Variants in RTL1 observed in about 807,000 individuals in gnomAD.
RTL1 encodes the protein retrotransposon-like protein 1.
For synonymous variants in RTL1, 727 were observed against 748.4 expected (o/e 0.97, Z 0.47); for missense variants, 1,681 against 1,767.5 (o/e 0.95, Z 0.88).
rs769592859 is a variant in RTL1, at chr14:100,881,021, C to A, written c.3768G>T (p.Ser1256=). 2.5e-6 allele frequency: 4 copies of A among 1,592,172 alleles called. No homozygotes were observed. Among genetic ancestry groups the A allele is most frequent in the Admixed American group, 3.5e-5 (2 of 57,528 alleles). Residue 1256 remains serine (S), a synonymous_variant, in exon 4 of 4, where the codon TCG becomes TCT. Coordinates refer to ENST00000649591, the MANE Select transcript of RTL1 (RefSeq NM_001134888.3). The surrounding 1 kb of genome is among the most constrained non-coding windows in gnomAD (Gnocchi z 6.6). ...CGLHDGLQDT[S]QDKQDNDVQE... is the part of the protein sequence containing the mutation. Reference sequence around the variant, plus strand: ...GCACGTCGTTGTCCTGCTTGTCCTGCGAGGTGTCTTGCAGGCCGTCATGCA... The same window carrying A: ...GCACGTCGTTGTCCTGCTTGTCCTGAGAGGTGTCTTGCAGGCCGTCATGCA...
rs766731873 is a variant in RTL1 at position 100,884,475 on chromosome 14, C to G, written c.314G>C (p.Gly105Ala). The G allele has an allele frequency of 1.9e-6, 3 of 1,614,186 alleles. No individual in the cohort carries two copies. In the South Asian group the frequency reaches 3.3e-5, roughly 18 times the overall value. The change falls in exon 4 of 4, where the codon GGT becomes GCT. Residue 105 changes from glycine (G) to alanine (A), a missense_variant. Gly to Ala is a moderately conservative substitution (Grantham distance 60). Transcript: ENST00000649591. The stretch of plus-strand genomic sequence containing the variant: ...TGGATCCCCCCTTGCCTGGTGTGAA[C>G]CGTTGCATGACTCCTCCAGGTCTTG... ...LLQDLEESCN[G>A]SHQARGDPLS...
At position 100,880,473 on chromosome 14, in the gene RTL1, G is replaced by A. The variant is rs547250032; in HGVS notation, c.*239C>T. The A allele has an allele frequency of 6.4e-5, 20 of 312,884 alleles. No individual in the cohort carries two copies. The Admixed American group carries it at 7.1e-4, about 11-fold the overall frequency. The allele number at this position is 312,884 out of a possible 1,614,324, so 19.4% of individuals were successfully genotyped here. On this transcript the variant is annotated 3_prime_UTR_variant, in exon 4 of 4. Coordinates refer to ENST00000649591, the MANE Select transcript of RTL1 (RefSeq NM_001134888.3). ...GCATGGGCTTGGGACCTGGAGAACG[G>A]AGAACTCGTAGCCCAGGGCTGGCGC...
In RTL1 at chr14:100,882,109, C is replaced by T. The variant is rs768085920; in HGVS notation, c.2680G>A (p.Asp894Asn). ...TALHASLIQI[D>N]DQTGKRACCA... ...CAGGCTCTCTTGCCGGTTTGGTCGTCGATTTGGATCAGGGAGGCGTGCAGG... is the reference window on the plus strand; with the variant it reads ...CAGGCTCTCTTGCCGGTTTGGTCGTTGATTTGGATCAGGGAGGCGTGCAGG... Residue 894 changes from aspartate (D) to asparagine (N), a missense_variant, in exon 4 of 4, where the codon GAC (aspartate) becomes AAC (asparagine). Coordinates refer to ENST00000649591, the MANE Select transcript of RTL1 (RefSeq NM_001134888.3). 2.4e-5 allele frequency: 37 copies of T among 1,563,984 alleles called. No individual in the cohort carries two copies. In the Middle Eastern group the frequency reaches 6.7e-4, roughly 28 times the overall value.
chr14:100,881,788 A>G lies in RTL1; in HGVS notation c.3001T>C (p.Trp1001Arg), dbSNP rs748341882. 6.8e-6 allele frequency: 11 copies of G among 1,613,780 alleles called. No individual in the cohort carries two copies. In the Admixed American group the frequency reaches 1.8e-4, roughly 27 times the overall value. Residue 1001 changes from tryptophan to arginine, a missense_variant, in exon 4 of 4, where the codon TGG (tryptophan) becomes CGG (arginine). Transcript: ENST00000649591. This position sits in a 1 kb window ranked among gnomAD's most constrained non-coding sequence, Gnocchi z 6.6. The stretch of plus-strand genomic sequence containing the variant: ...GTGTTCCTCTGGAAGGCTCTCCTCC[A>G]CCGGAGGTTTCTCACAGGTGGCAGA... The part of the protein sequence containing the change: ...RALPPVRNLR[W>R]RRAFQRNTAA...
intron 2 of RTL1, among the ~76,000 whole-genome samples, 101 bp downstream of exon 2, chr14:100,903,190 G>T (rs2038966418): frequency 6.6e-6 from 1 of 152,148 alleles, no homozygotes; most frequent in Non-Finnish European, 1.5e-5. Context: ...CTTAGACAGG[G>T]GTCTGGGGAG....
rs558530348 is a variant in RTL1 at position 100,880,524 on chromosome 14, G to A, written c.*188C>T. 1.1e-5 allele frequency: 13 copies of A among 1,221,244 alleles called. No homozygotes were observed. In the East Asian group the frequency reaches 2.1e-4, roughly 19 times the overall value. The allele number at this position is 1,221,244 out of a possible 1,614,324, so 75.7% of individuals were successfully genotyped here. A position where few individuals can be genotyped will look rare whatever the true frequency, so the allele number is the denominator to read the frequency against. On this transcript the variant is annotated 3_prime_UTR_variant, in exon 4 of 4. Coordinates refer to ENST00000649591, the MANE Select transcript of RTL1 (RefSeq NM_001134888.3). ...TGGGTCTCTGAGGACTGGGTAGTCC[G>A]TTAGCACAGGTGGCATTGCTGGTTG... is the stretch of plus-strand genomic sequence containing the variant.
rs1238626395 is a variant in RTL1 at position 100,881,032 on chromosome 14, G to A, written c.3757C>T (p.Gln1253Ter). The change falls in exon 4 of 4, where the codon CAA becomes TAA. Residue 1253 changes from glutamine (Q) to a stop codon, truncating the protein, a stop_gained. Coordinates refer to ENST00000649591, the MANE Select transcript of RTL1 (RefSeq NM_001134888.3). LOFTEE classifies it low-confidence loss of function (END_TRUNC). The surrounding 1 kb of genome is among the most constrained non-coding windows in gnomAD (Gnocchi z 6.6). ...YRQCGLHDGLQDTSQDKQDND... is the reference protein window; with the variant it reads ...YRQCGLHDGL ...TCCTGCTTGTCCTGCGAGGTGTCTT[G>A]CAGGCCGTCATGCAGGCCACACTGA... The A allele has an allele frequency of 1.3e-6, 2 of 1,597,492 alleles. No individual in the cohort carries two copies. The highest frequency in any genetic ancestry group is 2.3e-5 in the East Asian group (1 of 43,982).
In RTL1 at chr14:100,883,370, C is replaced by G; in HGVS notation, c.1419G>C (p.Trp473Cys). The G allele has an allele frequency of 6.4e-7, 1 of 1,551,174 alleles. No individual in the cohort carries two copies. Among genetic ancestry groups the G allele is most frequent in the Non-Finnish European group, 8.7e-7 (1 of 1,146,662 alleles). The change falls in exon 4 of 4, where the codon TGG (tryptophan) becomes TGC (cysteine). Residue 473 changes from tryptophan to cysteine, a missense_variant. Transcript: ENST00000649591. This position sits in a 1 kb window ranked among gnomAD's most constrained non-coding sequence, Gnocchi z 5.9. ...TACACACCAGGGGCTCCGTGTAGAG[C>G]CAGACAGGCTCGTTGCCAATCAGCG... Reference protein sequence around the residue: ...DGSLIGNEPVWLYTEPLVCIH... With the variant: ...DGSLIGNEPVCLYTEPLVCIH...
At chr14:100,890,074 G>GAAAAAAAAAAA (rs55688942) in intron 3 of RTL1, among the ~76,000 whole-genome samples, 2 of 123,892 alleles carry the variant, frequency 1.6e-5, no homozygotes, top group African/African-American at 2.9e-5. Flanking sequence ...CGCCTTATTT[G>GAAAAAAAAAAA]AAAAAAAAAA....
At position 100,883,420 on chromosome 14, in the gene RTL1, G is replaced by C; in HGVS notation, c.1369C>G (p.Gln457Glu). The C allele has an allele frequency of 1.3e-6, 2 of 1,550,338 alleles. No homozygotes were observed. The highest frequency in any genetic ancestry group is 1.7e-6 in the Non-Finnish European group (2 of 1,146,072). The change falls in exon 4 of 4, where the codon CAG (glutamine) becomes GAG (glutamate). Residue 457 changes from glutamine to glutamate, a missense_variant. Transcript: ENST00000649591. The surrounding 1 kb of genome is among the most constrained non-coding windows in gnomAD (Gnocchi z 5.9). ...GAGCCGTCCACGGATTGGACCGGCT[G>C]TGGGTACGGCTTCTCGTAGAGCTCG... ...YVELYEKPYPQPVQSVDGSLI... is the reference protein window; with the variant it reads ...YVELYEKPYPEPVQSVDGSLI...
In RTL1 at chr14:100,881,713, G is replaced by A. The variant is rs1343601244; in HGVS notation, c.3076C>T (p.Pro1026Ser). The A allele has an allele frequency of 6.3e-7, 1 of 1,591,322 alleles. No homozygotes were observed. The highest frequency in any genetic ancestry group is 8.6e-7 in the Non-Finnish European group (1 of 1,168,362). Residue 1026 changes from proline to serine, a missense_variant, in exon 4 of 4, where the codon CCA becomes TCA. Physicochemically the swap from Pro to Ser is moderately conservative, Grantham distance 74. Transcript: ENST00000649591. The surrounding 1 kb of genome is among the most constrained non-coding windows in gnomAD (Gnocchi z 6.6). ...LLASRGFPRD[P>S]STESGEEENE... Reference sequence around the variant, plus strand: ...TCTTCTTCCCCGGATTCCGTCGATGGATCCCTGGGGAATCCCCTTGAGGCC... The same window carrying A: ...TCTTCTTCCCCGGATTCCGTCGATGAATCCCTGGGGAATCCCCTTGAGGCC...
intron 3 of RTL1, 33 bp from the exon 4 acceptor site, chr14:100,884,907 G>C: frequency 1.1e-6 from 1 of 932,402 alleles, no homozygotes; most frequent in Non-Finnish European, 1.6e-6. Flanking sequence ...GGGAGTAAAG[G>C]CAGTAGTTTA....
Position 100,881,345 on chromosome 14 carries a change from C to G in RTL1, c.3444G>C (p.Gln1148His). The G allele has an allele frequency of 6.4e-7, 1 of 1,550,620 alleles. No homozygotes were observed. The highest frequency in any genetic ancestry group is 8.7e-7 in the Non-Finnish European group (1 of 1,146,988). The change falls in exon 4 of 4, where the codon CAG becomes CAC. Residue 1148 changes from glutamine (Q) to histidine (H), a missense_variant. Transcript: ENST00000649591. This position sits in a 1 kb window ranked among gnomAD's most constrained non-coding sequence, Gnocchi z 6.6. Reference protein sequence around the residue: ...ITTAITQLLTQMPALVGANTI... With the variant: ...ITTAITQLLTHMPALVGANTI... ...TGTTTGCACCTACGAGAGCGGGCAT[C>G]TGGGTGAGCAGCTGGGTGATGGCTG...
chr14:100,899,459 A>G (rs2038912423), intron 2 of RTL1, among the ~76,000 whole-genome samples: 1 of 152,130 alleles, frequency 6.6e-6, no homozygotes, highest in Non-Finnish European at 1.5e-5. Context: ...GTCATATTCT[A>G]AAAAGAGCAC....
In RTL1 at chr14:100,884,792, G is replaced by C; in HGVS notation, c.-4C>G. 6.4e-7 allele frequency: 1 copy of C among 1,554,824 alleles called. No individual in the cohort carries two copies. The highest frequency in any genetic ancestry group is 1.2e-5 in the South Asian group (1 of 81,618). ...AGTCTTCAGAGGGTTCTATCATTTC[G>C]TCGGATGGAAAGGAGTGTATTCTGA... On this transcript the variant is annotated 5_prime_UTR_variant, in exon 4 of 4. Coordinates refer to ENST00000649591, the MANE Select transcript of RTL1 (RefSeq NM_001134888.3).
chr14:100,900,139 TTTTTTGAGGCTCATA>T (rs1193472634), intron 2 of RTL1, among the ~76,000 whole-genome samples: 2 of 152,258 alleles, frequency 1.3e-5, no homozygotes, highest in Non-Finnish European at 2.9e-5. Flanking sequence ...CACAGGCAGA[TTTTTTGAGGCTCATA>T]TTTTACAGAC....
Position 100,880,567 on chromosome 14 carries a change from T to C in RTL1, c.*145A>G. 1 of 1,432,218 alleles carries C rather than the reference T, an allele frequency of 7.0e-7. No homozygotes were observed. The highest frequency in any genetic ancestry group is 9.2e-7 in the Non-Finnish European group (1 of 1,085,422). The allele number at this position is 1,432,218 out of a possible 1,614,324, so 88.7% of individuals were successfully genotyped here. ...GCTGGTTGATGAGTTGAAGAAGTTG[T>C]TGCCCTTCACAAGTGGGTTCCTCTT... On this transcript the variant is annotated 3_prime_UTR_variant, in exon 4 of 4. Coordinates refer to ENST00000649591, the MANE Select transcript of RTL1 (RefSeq NM_001134888.3).
chr14:100,903,456 A>T (rs553517164), intron 1 of RTL1, among the ~76,000 whole-genome samples, 70 bp from the exon 2 acceptor site: 7 of 152,204 alleles, frequency 4.6e-5, no homozygotes, highest in Admixed American at 3.9e-4. Context: ...GCAGGCATGG[A>T]GATTTATGGA....
At position 100,883,465 on chromosome 14, in the gene RTL1, A is replaced by T; in HGVS notation, c.1324T>A (p.Phe442Ile). 6.4e-7 allele frequency: 1 copy of T among 1,551,166 alleles called. No individual in the cohort carries two copies. ...AGCTCGACGTAGTGCTCTTGGGCGAACTTCTCATCCATGAAGTTGCCGTCA... is the reference window on the plus strand; with the variant it reads ...AGCTCGACGTAGTGCTCTTGGGCGATCTTCTCATCCATGAAGTTGCCGTCA... The part of the protein sequence containing the change: ...GADGNFMDEK[F>I]AQEHYVELYE... Residue 442 changes from phenylalanine (F) to isoleucine (I), a missense_variant, in exon 4 of 4, where the codon TTC (phenylalanine) becomes ATC (isoleucine). Transcript: ENST00000649591. The surrounding 1 kb of genome is among the most constrained non-coding windows in gnomAD (Gnocchi z 5.9).
Sources: allele counts gnomAD v4.1 joint callset (sites outside exome capture counted in the v4.1 genomes callset), GRCh38; gene constraint gnomAD v4.1.1; non-coding constraint Gnocchi (gnomAD v3.1); transcripts MANE v1.5; gene names NCBI Gene and HGNC (gene_info 2026-07-23, HGNC 2026-07-21).